The following ZNF618 variants were observed in gnomAD, a reference collection of about 807,000 sequenced individuals.
The protein encoded by ZNF618 is neural precursor cell expressed, developmentally down-regulated 10.
ZNF618 carries 34 observed loss-of-function variants against 103.0 expected under a neutral mutation model. The ratio of observed to expected loss-of-function variants is 0.33; its 90% CI spans 0.25 to 0.44. The LOEUF (loss-of-function observed/expected upper bound fraction) is 0.44. ZNF618 is among the 20% of genes least tolerant of loss of function. The pLI, the probability that ZNF618 is intolerant of heterozygous loss-of-function variation, is 1.00. For missense variants in ZNF618, 1,059 were observed against 1,295.4 expected, an observed-to-expected ratio of 0.82 and a Z score of 2.80; for synonymous variants, 551 against 542.2, an observed-to-expected ratio of 1.02 and a Z score of -0.23.
chr9:114,018,516 G>A (rs1456200711), intron 10 of ZNF618, among the ~76,000 whole-genome samples: 1 of 152,216 alleles, frequency 6.6e-6, no homozygotes, highest in East Asian at 1.9e-4. Flanking sequence ...TGCTTCCTGG[G>A]ACAAGTTGAG....
intron 11 of ZNF618, among the ~76,000 whole-genome samples, chr9:114,030,335 A>G (rs1430493903): frequency 6.6e-6 from 1 of 152,258 alleles, no homozygotes; most frequent in Non-Finnish European, 1.5e-5. Flanking sequence ...CAACAGTAGC[A>G]TAAATTAGTT....
chr9:114,037,659 T>C (rs1844741087), intron 13 of ZNF618, among the ~76,000 whole-genome samples: 1 of 152,154 alleles, frequency 6.6e-6, no homozygotes, highest in African/African-American at 2.4e-5. Context: ...TCACATCATC[T>C]CCCAGGTCTG....
At chr9:113,991,401 A>AT (rs2133368473) in intron 3 of ZNF618, among the ~76,000 whole-genome samples, 1 of 152,344 alleles carries the variant, frequency 6.6e-6, no homozygotes, top group Admixed American at 6.5e-5. Context: ...TCCAGGCTCC[A>AT]TGACTTAACT....
At chr9:114,018,026 T>C (rs1021422059) in intron 10 of ZNF618, among the ~76,000 whole-genome samples, 9 of 152,196 alleles carry the variant, frequency 5.9e-5, no homozygotes, top group African/African-American at 1.9e-4. Flanking sequence ...CCTGTTGCTT[T>C]CCTTCTCTGG....
chr9:113,889,777 G>A lies in ZNF618; in HGVS notation c.33+13364G>A, dbSNP rs138185916. Among the ~76,000 whole-genome samples the A allele has an allele frequency of 5.3e-5, 8 of 152,186 alleles. No individual in the cohort carries two copies. The East Asian group carries it at 1.2e-3, about 22-fold the overall frequency. On this transcript the variant is annotated intron_variant, in intron 1 of 14. Transcript: ENST00000374126. ...CATTCCATCTTTCCACCCTTCAGACGTCTGTCCTTCTGTGTGACTGTCTGT... is the reference window on the plus strand; with the variant it reads ...CATTCCATCTTTCCACCCTTCAGACATCTGTCCTTCTGTGTGACTGTCTGT...
chr9:113,991,946 A>T (rs886640017), intron 3 of ZNF618, among the ~76,000 whole-genome samples: 4 of 152,210 alleles, frequency 2.6e-5, no homozygotes, highest in African/African-American at 9.6e-5. Flanking sequence ...CTCATCTTGC[A>T]TGCTGGAAGT....
chr9:113,970,369 G>T (rs926684309), intron 2 of ZNF618, among the ~76,000 whole-genome samples: 6 of 152,194 alleles, frequency 3.9e-5, no homozygotes, highest in African/African-American at 1.4e-4. Context: ...GCAGCCATTT[G>T]TTGGGTGGAT....
chr9:113,965,369 C>T (rs1837301232), intron 1 of ZNF618, among the ~76,000 whole-genome samples: 2 of 151,950 alleles, frequency 1.3e-5, no homozygotes, highest in Admixed American at 1.3e-4. Flanking sequence ...AAAAGAACAA[C>T]TTCACATTCA....
At chr9:113,985,771 C>A (rs1839418311) in intron 2 of ZNF618, among the ~76,000 whole-genome samples, 1 of 152,208 alleles carries the variant, frequency 6.6e-6, no homozygotes. Flanking sequence ...TCGTACCACC[C>A]ACATGACTTT....
chr9:114,046,600 T>C (rs1226905005), intron 13 of ZNF618, among the ~76,000 whole-genome samples: 1 of 152,204 alleles, frequency 6.6e-6, no homozygotes, highest in African/African-American at 2.4e-5. Flanking sequence ...AGAGTGAACA[T>C]TCTTACCTTG....
chr9:113,981,123 C>T (rs1180098471), intron 2 of ZNF618, among the ~76,000 whole-genome samples: 1 of 152,154 alleles, frequency 6.6e-6, no homozygotes, highest in African/African-American at 2.4e-5. Context: ...TGTATTTAAG[C>T]TCAGCTGGAG....
At chr9:114,037,387 A>T (rs1844715727) in intron 13 of ZNF618, among the ~76,000 whole-genome samples, 1 of 152,182 alleles carries the variant, frequency 6.6e-6, no homozygotes. Flanking sequence ...GTAAATGCTC[A>T]AATTCCAGTG....
chr9:113,889,955 T>C (rs930599177), intron 1 of ZNF618, among the ~76,000 whole-genome samples: 1 of 152,212 alleles, frequency 6.6e-6, no homozygotes, highest in African/African-American at 2.4e-5. Flanking sequence ...AACAACTCCA[T>C]GACTTAGAAT....
At chr9:113,973,153 T>C (rs894484101) in intron 2 of ZNF618, among the ~76,000 whole-genome samples, 1 of 152,132 alleles carries the variant, frequency 6.6e-6, no homozygotes, top group African/African-American at 2.4e-5. Context: ...CCAGGTGGGA[T>C]TTAGATGGGT....
intron 1 of ZNF618, among the ~76,000 whole-genome samples, chr9:113,923,705 C>T (rs1204998222): frequency 6.6e-6 from 1 of 152,022 alleles, no homozygotes; most frequent in East Asian, 1.9e-4. Flanking sequence ...GATCATTTAT[C>T]CACCTTTGTT....
chr9:113,978,213 G>C (rs1838660863), intron 2 of ZNF618, among the ~76,000 whole-genome samples: 1 of 152,226 alleles, frequency 6.6e-6, no homozygotes, highest in Admixed American at 6.5e-5. Context: ...AACTTAGGCG[G>C]AATAGTAAGT....
Position 114,028,859 on chromosome 9 carries a change from C to T in ZNF618, c.971C>T (p.Ala324Val). Residue 324 changes from alanine (A) to valine (V), a missense_variant, in exon 11 of 15, where the codon GCT (alanine) becomes GTT (valine). Coordinates refer to ENST00000374126, the MANE Select transcript of ZNF618 (RefSeq NM_001318042.2). ...CAGACGAACCAGTCGGGGAAAAAAG[C>T]TCCGGCCTCCGTGGTCCGATGTGCC... ...KTQTNQSGKKAPASVVRCATL... is the reference protein window; with the variant it reads ...KTQTNQSGKKVPASVVRCATL... The T allele has an allele frequency of 3.2e-6, 5 of 1,550,612 alleles. No individual in the cohort carries two copies. The highest frequency in any genetic ancestry group is 4.4e-6 in the Non-Finnish European group (5 of 1,146,932).
At chr9:114,044,179 C>A (rs1845459026) in intron 13 of ZNF618, among the ~76,000 whole-genome samples, 1 of 151,992 alleles carries the variant, frequency 6.6e-6, no homozygotes, top group African/African-American at 2.4e-5. Flanking sequence ...TGGTTTCAGG[C>A]CTTAGATTTA....
chr9:114,012,308 T>C (rs562720650), intron 9 of ZNF618, among the ~76,000 whole-genome samples: 2 of 152,298 alleles, frequency 1.3e-5, no homozygotes, highest in Non-Finnish European at 2.9e-5. Flanking sequence ...TGTTGAGGGC[T>C]CTCCTCCTGG....
Sources: gnomAD v4.1 joint callset for allele counts (sites outside exome capture counted in the v4.1 genomes callset) on GRCh38, gnomAD v4.1.1 for gene constraint, MANE v1.5 for transcripts, NCBI Gene and HGNC (gene_info 2026-07-23, HGNC 2026-07-21) for gene names.